Variants in AMOTL1 observed in about 807,000 individuals in gnomAD.
The protein encoded by AMOTL1 is angiomotin-like protein 1.
AMOTL1 carries 45 observed loss-of-function variants against 102.9 expected under a neutral mutation model. That is an observed-to-expected ratio of 0.44 (90% CI 0.34 to 0.56). The LOEUF (loss-of-function observed/expected upper bound fraction) is 0.56, where lower values mean the gene tolerates loss of function less well. AMOTL1 is among the 20% of genes least tolerant of loss of function. The pLI is 0.01. For synonymous variants in AMOTL1, 481 were observed against 484.7 expected, an observed-to-expected ratio of 0.99 and a Z score of 0.10; for missense variants, 1,114 against 1,225.6, an observed-to-expected ratio of 0.91 and a Z score of 1.36.
intron 4 of AMOTL1, among the ~76,000 whole-genome samples, chr11:94,824,693 A>G (rs1411738647): frequency 2.0e-5 from 3 of 152,188 alleles, no homozygotes; most frequent in Non-Finnish European, 4.4e-5. Context: ...ATGAGGTGAC[A>G]ACTTTGCTTC....
rs1477032257 is a variant in AMOTL1, at chr11:94,799,913, T to G, written c.723T>G (p.Ser241Arg). The stretch of plus-strand genomic sequence containing the variant: ...GGCCCACTGTGAACCGTGCCAACAG[T>G]GGACAGGCGCATAAGGACGAGGCGC... ...EGRPTVNRAN[S>R]GQAHKDEALK... Residue 241 changes from serine (S) to arginine (R), a missense_variant, in exon 3 of 13, where the codon AGT (serine) becomes AGG (arginine). By Grantham distance (110) the Ser-to-Arg change is moderately radical (BLOSUM62 -1). Coordinates refer to ENST00000433060, the MANE Select transcript of AMOTL1 (RefSeq NM_130847.3). This position sits in a 1 kb window ranked among gnomAD's most constrained non-coding sequence, Gnocchi z 4.5. 1 of 1,609,294 alleles carries G rather than the reference T, an allele frequency of 6.2e-7. No individual in the cohort carries two copies. The highest frequency in any genetic ancestry group is 1.7e-5 in the Admixed American group (1 of 59,742).
At chr11:94,785,210 T>C (rs1278182707) in intron 1 of AMOTL1, among the ~76,000 whole-genome samples, 1 of 152,168 alleles carries the variant, frequency 6.6e-6, no homozygotes, top group African/African-American at 2.4e-5. Flanking sequence ...GAATATTTCA[T>C]TACAACTCTC....
chr11:94,769,732 G>A (rs1357287770), intron 1 of AMOTL1, among the ~76,000 whole-genome samples: 3 of 152,088 alleles, frequency 2.0e-5, no homozygotes, highest in African/African-American at 4.8e-5. Flanking sequence ...GAGACGATGC[G>A]GTTTGGACCC....
At chr11:94,758,714 C>A (rs1188620751) in intron 3 of AMOTL1, among the ~76,000 whole-genome samples, 1 of 152,162 alleles carries the variant, frequency 6.6e-6, no homozygotes, top group Non-Finnish European at 1.5e-5. Flanking sequence ...GCAATCAGTT[C>A]TTTGAAAGAA....
chr11:94,710,265 G>C (rs1360498327), intron 1 of AMOTL1, among the ~76,000 whole-genome samples: 5 of 152,204 alleles, frequency 3.3e-5, no homozygotes, highest in African/African-American at 1.2e-4. Context: ...GAAGCCATGA[G>C]AAAAGAGTAG....
intron 3 of AMOTL1, among the ~76,000 whole-genome samples, chr11:94,759,495 A>G (rs542694123): frequency 2.3e-4 from 34 of 150,500 alleles, no homozygotes; most frequent in African/African-American, 8.1e-4. Context: ...ATCATTCCTC[A>G]TCTATAATGT....
intron 1 of AMOTL1, among the ~76,000 whole-genome samples, chr11:94,776,172 A>C (rs1951024017): frequency 6.6e-6 from 1 of 152,308 alleles, no homozygotes. Flanking sequence ...GCGCTTGTTC[A>C]TCTCTCCAGT....
Position 94,783,092 on chromosome 11 carries a change from T to C in AMOTL1, c.50-11919T>C, listed in dbSNP as rs964779067. ...TAAAAGGATCCTAAAACCAAAAAGT[T>C]TGGGCACTGTTGCTACAGTGGCAAA... On this transcript the variant is annotated intron_variant, in intron 1 of 12. Transcript: ENST00000433060. Among the ~76,000 whole-genome samples, 5 of 152,164 alleles carry C rather than the reference T, an allele frequency of 3.3e-5. No individual in the cohort carries two copies. In the East Asian group the frequency reaches 5.8e-4, roughly 18 times the overall value.
chr11:94,851,709 C>T (rs1270121276), intron 7 of AMOTL1, among the ~76,000 whole-genome samples: 3 of 152,238 alleles, frequency 2.0e-5, no homozygotes, highest in Non-Finnish European at 4.4e-5. Flanking sequence ...ACTTTACCTC[C>T]TCTTCCTGTT....
rs1420670773 is a variant in AMOTL1 at position 94,869,270 on chromosome 11, T to C, written c.2561T>C (p.Leu854Pro). 6.2e-7 allele frequency: 1 copy of C among 1,613,230 alleles called. No individual in the cohort carries two copies. The highest frequency in any genetic ancestry group is 1.3e-5 in the African/African-American group (1 of 75,026). The part of the protein sequence containing the change: ...PLLPPPPTSA[L>P]SSIASTTAAS... The stretch of plus-strand genomic sequence containing the variant: ...CTGCCACCCCCACCCACCTCAGCAC[T>C]GTCCTCCATAGCCTCCACTACGGCA... The change falls in exon 12 of 13, where the codon CTG becomes CCG. Residue 854 changes from leucine (L) to proline (P), a missense_variant. Leu to Pro is a moderately conservative substitution (Grantham distance 98, BLOSUM62 -3). Coordinates refer to ENST00000433060, the MANE Select transcript of AMOTL1 (RefSeq NM_130847.3).
At chr11:94,846,253 C>G (rs925593075) in intron 6 of AMOTL1, among the ~76,000 whole-genome samples, 22 of 152,308 alleles carry the variant, frequency 1.4e-4, no homozygotes, top group South Asian at 4.1e-4. Flanking sequence ...TGTCACATTG[C>G]CTTTGCCCAT....
Position 94,872,030 on chromosome 11 carries a change from G to A in AMOTL1, c.*1235G>A, listed in dbSNP as rs1280449238. On this transcript the variant is annotated 3_prime_UTR_variant, in exon 13 of 13. Coordinates refer to ENST00000433060, the MANE Select transcript of AMOTL1 (RefSeq NM_130847.3). ...CAGCATCCAGACCTCCGTGGCACCA[G>A]GTTGCCTCTGTTGTGAACTTCTTTT... is the stretch of plus-strand genomic sequence containing the variant. 6.6e-6 allele frequency: 1 copy of A among 152,092 alleles called. No individual in the cohort carries two copies. The highest frequency in any genetic ancestry group is 1.5e-5 in the Non-Finnish European group (1 of 68,076). The allele number at this position is 152,092 out of a possible 1,614,324, so 9.4% of individuals were successfully genotyped here.
upstream of AMOTL1, chr11:94,768,296 G>C (rs553165809): frequency 1.6e-5 from 22 of 1,339,678 alleles, 1 homozygote; most frequent in Middle Eastern, 2.8e-4. Flanking sequence ...TTCTAGTGAC[G>C]AGCCCGGGCG....
chr11:94,824,681 A>T (rs1951931145), intron 4 of AMOTL1, among the ~76,000 whole-genome samples: 1 of 152,206 alleles, frequency 6.6e-6, no homozygotes, highest in South Asian at 2.1e-4. Context: ...GAGGGTGGTC[A>T]GATGAGGTGA....
At chr11:94,748,294 C>A (rs1366188617) in intron 3 of AMOTL1, among the ~76,000 whole-genome samples, 1 of 152,208 alleles carries the variant, frequency 6.6e-6, no homozygotes, top group African/African-American at 2.4e-5. Flanking sequence ...GTTTCAGCTT[C>A]TACTATCACA....
chr11:94,746,666 C>T (rs1221389250), intron 3 of AMOTL1, among the ~76,000 whole-genome samples: 1 of 152,152 alleles, frequency 6.6e-6, no homozygotes, highest in Non-Finnish European at 1.5e-5. Flanking sequence ...ACATTAGAAT[C>T]AGGAGGAGCT....
chr11:94,814,716 A>G (rs564309325), intron 3 of AMOTL1, among the ~76,000 whole-genome samples: 1 of 152,334 alleles, frequency 6.6e-6, no homozygotes, highest in South Asian at 2.1e-4. Flanking sequence ...ACTTGTGACT[A>G]TAACTCCATG....
In AMOTL1 at chr11:94,773,666, C is replaced by T. The variant is rs74710142; in HGVS notation, c.49+5106C>T. Among the ~76,000 whole-genome samples, 556 of 152,308 alleles carry T rather than the reference C, an allele frequency of 3.7e-3. 6 individuals carry two copies. The highest frequency in any genetic ancestry group is 0.013 in the African/African-American group (525 of 41,578). On this transcript the variant is annotated intron_variant, in intron 1 of 12. Coordinates refer to ENST00000433060, the MANE Select transcript of AMOTL1 (RefSeq NM_130847.3). The stretch of plus-strand genomic sequence containing the variant: ...GGAATAAAATTGGTTTGCTTTTGAT[C>T]CAGTTTTTAGATCTTTATTGCCATG...
intron 3 of AMOTL1, among the ~76,000 whole-genome samples, chr11:94,810,298 A>T (rs1346137098): frequency 6.6e-6 from 1 of 152,194 alleles, no homozygotes; most frequent in African/African-American, 2.4e-5. Flanking sequence ...TCTGTCTTTT[A>T]ACTGGATCTG....
Sources: gnomAD v4.1 joint callset for allele counts (sites outside exome capture counted in the v4.1 genomes callset) on GRCh38, gnomAD v4.1.1 for gene constraint, Gnocchi (gnomAD v3.1) non-coding constraint, MANE v1.5 for transcripts, NCBI Gene and HGNC (gene_info 2026-07-23, HGNC 2026-07-21) for gene names.